PRDM11: variants seen among roughly 807,000 people sequenced by gnomAD.
PRDM11 encodes PR/SET domain 11, also known as PR domain-containing protein 11.
PRDM11 carries 20 observed loss-of-function variants against 97.8 expected under a neutral mutation model. The ratio of observed to expected loss-of-function variants is 0.20; its 90% CI spans 0.14 to 0.30. The LOEUF (loss-of-function observed/expected upper bound fraction) is 0.30. Ranked by LOEUF, PRDM11 falls within the 10% of genes least tolerant of loss-of-function variation. The pLI is 1.00. For synonymous variants in PRDM11, 599 were observed against 637.7 expected (o/e 0.94, Z 0.91); for missense variants, 1,139 against 1,555.2 (o/e 0.73, Z 4.50).
chr11:45,202,533 A>G (rs777691729), intron 4 of PRDM11, among the ~76,000 whole-genome samples: 3 of 152,206 alleles, frequency 2.0e-5, no homozygotes, highest in African/African-American at 4.8e-5. Flanking sequence ...TTGAAAAAGG[A>G]TATGTTCACT....
At chr11:45,133,289 A>T (rs1208224642) in intron 1 of PRDM11, among the ~76,000 whole-genome samples, 1 of 152,198 alleles carries the variant, frequency 6.6e-6, no homozygotes, top group Non-Finnish European at 1.5e-5. Flanking sequence ...TGTTAAGGAC[A>T]TAAGTGACTC....
At chr11:45,119,940 T>TA (rs563397672) in intron 1 of PRDM11, among the ~76,000 whole-genome samples, 1 of 152,016 alleles carries the variant, frequency 6.6e-6, no homozygotes, top group Non-Finnish European at 1.5e-5. Flanking sequence ...GAGTTAGCAG[T>TA]AAGGACATAA....
At chr11:45,115,776 A>G (rs1799038416) in intron 1 of PRDM11, among the ~76,000 whole-genome samples, 1 of 151,940 alleles carries the variant, frequency 6.6e-6, no homozygotes, top group Admixed American at 6.6e-5. Flanking sequence ...CTAAAAATAG[A>G]AAAATCAGCT....
intron 6 of PRDM11, among the ~76,000 whole-genome samples, 155 bp from the exon 7 acceptor site, chr11:45,224,062 A>G (rs1448577365): frequency 6.6e-6 from 1 of 152,146 alleles, no homozygotes; most frequent in East Asian, 1.9e-4. Context: ...TGGACCACTG[A>G]GTGATTCGTA....
intron 4 of PRDM11, among the ~76,000 whole-genome samples, chr11:45,197,370 C>T (rs1853160924): frequency 6.6e-6 from 1 of 151,922 alleles, no homozygotes; most frequent in East Asian, 1.9e-4. Flanking sequence ...AATATTAGTC[C>T]AAGGGTATAA....
At chr11:45,159,169 G>T (rs1247557424) in intron 1 of PRDM11, among the ~76,000 whole-genome samples, 3 of 152,196 alleles carry the variant, frequency 2.0e-5, no homozygotes, top group Non-Finnish European at 4.4e-5. Flanking sequence ...CCAGGCCCAG[G>T]ACAGTGGCCA....
At chr11:45,182,209 CTTCTTTGCT>C (rs1052577073) in intron 2 of PRDM11, 28 bp from the exon 3 acceptor site, 2 of 1,585,834 alleles carry the variant, frequency 1.3e-6, no homozygotes, top group African/African-American at 1.3e-5. Context: ...TCTCTGATGA[CTTCTTTGCT>C]TTCTTTGCGG....
intron 1 of PRDM11, among the ~76,000 whole-genome samples, chr11:45,180,700 C>A (rs1343637747): frequency 6.7e-6 from 1 of 149,666 alleles, no homozygotes; most frequent in Non-Finnish European, 1.5e-5. Context: ...CAGGGCCGGG[C>A]GGGCCGGGCC....
chr11:45,178,387 G>A (rs530053355), intron 1 of PRDM11, among the ~76,000 whole-genome samples: 14 of 152,184 alleles, frequency 9.2e-5, no homozygotes, highest in Admixed American at 3.9e-4. Flanking sequence ...GTCAGAATCC[G>A]GCTCTGAGTC....
Position 45,110,412 on chromosome 11 carries a change from A to C in PRDM11, c.96+14511A>C, listed in dbSNP as rs560822110. Reference sequence around the variant, plus strand: ...ATGAGAGGTGGGGCATTTAGATAGCATTACAATTTTTCTAAAGGGCCAGGT... The same window carrying C: ...ATGAGAGGTGGGGCATTTAGATAGCCTTACAATTTTTCTAAAGGGCCAGGT... On this transcript the variant is annotated intron_variant, in intron 1 of 6. Transcript: ENST00000530656. Among the ~76,000 whole-genome samples, 22 of 152,304 alleles carry C rather than the reference A, an allele frequency of 1.4e-4. No homozygotes were observed. In the East Asian group the frequency reaches 2.1e-3, roughly 15 times the overall value.
At chr11:45,151,563 T>C (rs1851660635) in intron 1 of PRDM11, among the ~76,000 whole-genome samples, 1 of 152,256 alleles carries the variant, frequency 6.6e-6, no homozygotes, top group Non-Finnish European at 1.5e-5. Flanking sequence ...TGCCAGGCAC[T>C]GTGCTGGGCC....
intron 1 of PRDM11, among the ~76,000 whole-genome samples, chr11:45,155,858 A>G (rs1336508309): frequency 1.3e-5 from 2 of 151,990 alleles, no homozygotes; most frequent in Non-Finnish European, 2.9e-5. Context: ...TTTTATAAAC[A>G]TCAGCGACAG....
chr11:45,135,764 G>C (rs542722847), intron 1 of PRDM11, among the ~76,000 whole-genome samples: 2 of 152,202 alleles, frequency 1.3e-5, no homozygotes, highest in South Asian at 4.1e-4. Flanking sequence ...AAATTTAATG[G>C]CATTCCCATC....
chr11:45,220,459 T>G (rs1854089447), intron 6 of PRDM11, among the ~76,000 whole-genome samples: 1 of 152,210 alleles, frequency 6.6e-6, no homozygotes, highest in Admixed American at 6.5e-5. Context: ...CTATAAACTT[T>G]TAATACTCAT....
At chr11:45,155,929 G>C (rs996129366) in intron 1 of PRDM11, among the ~76,000 whole-genome samples, 13 of 152,130 alleles carry the variant, frequency 8.5e-5, no homozygotes, top group Admixed American at 3.3e-4. Context: ...GTCCCATGAT[G>C]CTAGTGTTAT....
chr11:45,210,520 C>G lies in PRDM11; in HGVS notation c.554+5742C>G, dbSNP rs113399492. 9.1e-3 allele frequency among the ~76,000 whole-genome samples: 1,387 copies of G among 152,306 alleles called. 18 individuals carry two copies. The highest frequency in any genetic ancestry group is 0.032 in the African/African-American group (1,335 of 41,558). On this transcript the variant is annotated intron_variant, in intron 5 of 7. Transcript: ENST00000683152. ...CTAGAGGCCGTCTGCCTGACCGGCT[C>G]GTGAGTGGTGGGAGCCAGGCAGGAG... is the stretch of plus-strand genomic sequence containing the variant.
chr11:45,128,365 ACTGT>A (rs1364859490), intron 1 of PRDM11, among the ~76,000 whole-genome samples: 3 of 152,018 alleles, frequency 2.0e-5, no homozygotes, highest in African/African-American at 7.3e-5. Context: ...TCCTGCACCC[ACTGT>A]CTGGCACTCC....
intron 1 of PRDM11, among the ~76,000 whole-genome samples, chr11:45,139,216 A>G (rs1191811568): frequency 2.0e-5 from 3 of 152,224 alleles, no homozygotes; most frequent in Non-Finnish European, 4.4e-5. Context: ...TACAAAATCA[A>G]TGAGAACTGA....
At chr11:45,155,525 G>T (rs1039070704) in intron 1 of PRDM11, among the ~76,000 whole-genome samples, 1 of 152,140 alleles carries the variant, frequency 6.6e-6, no homozygotes, top group Admixed American at 6.5e-5. Flanking sequence ...CCCAAACAGA[G>T]TGTCATTTTC....
Sources: gnomAD v4.1 joint callset for allele counts (sites outside exome capture counted in the v4.1 genomes callset) on GRCh38, gnomAD v4.1.1 for gene constraint, MANE v1.5 for transcripts, NCBI Gene and HGNC (gene_info 2026-07-23, HGNC 2026-07-21) for gene names.